The following MSANTD2 variants were observed in gnomAD, a reference collection of about 807,000 sequenced individuals.
The protein encoded by MSANTD2 is Myb/SANT DNA binding domain containing 2, also known as myb/SANT-like DNA-binding domain-containing protein 2.
MSANTD2 carries 19 observed loss-of-function variants against 52.6 expected under a neutral mutation model. The ratio of observed to expected loss-of-function variants is 0.36; its 90% CI spans 0.25 to 0.53. The LOEUF (loss-of-function observed/expected upper bound fraction) is 0.53, where lower values mean the gene tolerates loss of function less well. MSANTD2 is among the 20% of genes least tolerant of loss of function. MSANTD2 has a pLI of 0.91. For missense variants in MSANTD2, 558 were observed against 716.3 expected (o/e 0.78, Z 2.52); for synonymous variants, 291 against 289.7 (o/e 1.00, Z -0.04).
In MSANTD2 at chr11:124,766,954, G is replaced by A. The variant is rs563425441; in HGVS notation, c.*222C>T. On this transcript the variant is annotated 3_prime_UTR_variant, in exon 4 of 4. Coordinates refer to ENST00000374979, the MANE Select transcript of MSANTD2 (RefSeq NM_001308027.2). Reference sequence around the variant, plus strand: ...AAGAAATAGCTGACCCACCATGCAAGTTCGCTATATATCTTGCTTGCTCAA... The same window carrying A: ...AAGAAATAGCTGACCCACCATGCAAATTCGCTATATATCTTGCTTGCTCAA... 189 of 440,190 alleles carry A rather than the reference G, an allele frequency of 4.3e-4. No individual in the cohort carries two copies. In the Middle Eastern group the frequency reaches 4.9e-3, roughly 11 times the overall value. The allele number at this position is 440,190 out of a possible 1,614,324, so 27.3% of individuals were successfully genotyped here. A position where few individuals can be genotyped will look rare whatever the true frequency, so the allele number is the denominator to read the frequency against.
intron 1 of MSANTD2, chr11:124,783,770 T>A: frequency 1.0e-6 from 1 of 985,320 alleles, no homozygotes; most frequent in Non-Finnish European, 1.2e-6. Context: ...TTCAGATTAC[T>A]AAGAAAAAAA....
At chr11:124,799,695 G>A (rs1945622007) in intron 1 of MSANTD2, among the ~76,000 whole-genome samples, 176 bp downstream of exon 1, 1 of 152,210 alleles carries the variant, frequency 6.6e-6, no homozygotes, top group South Asian at 2.1e-4. Flanking sequence ...CGGGCTGGCG[G>A]CCATCTGGGA....
At chr11:124,768,711 G>A (rs1014861405) in intron 3 of MSANTD2, among the ~76,000 whole-genome samples, 3 of 152,130 alleles carry the variant, frequency 2.0e-5, no homozygotes, top group Non-Finnish European at 4.4e-5. Flanking sequence ...GATGGAAAAG[G>A]CTCACATTAG....
intron 1 of MSANTD2, among the ~76,000 whole-genome samples, chr11:124,795,725 C>G (rs1273983316): frequency 6.6e-6 from 1 of 151,940 alleles, no homozygotes; most frequent in Admixed American, 6.6e-5. Flanking sequence ...TTTATTCATC[C>G]TAACACCTAG....
chr11:124,799,812 C>G, intron 1 of MSANTD2, 59 bp downstream of exon 1: 2 of 1,371,446 alleles, frequency 1.5e-6, no homozygotes, highest in Non-Finnish European at 2.0e-6. Flanking sequence ...CCCCCGAGGC[C>G]CGCTTCCCCG....
chr11:124,772,605 C>T (rs914928170), intron 3 of MSANTD2, among the ~76,000 whole-genome samples: 4 of 151,930 alleles, frequency 2.6e-5, no homozygotes, highest in Non-Finnish European at 4.4e-5. Context: ...GGCGTGGTGG[C>T]GGGCGCCTGT....
chr11:124,771,491 C>T lies in MSANTD2; in HGVS notation c.827+1503G>A, dbSNP rs900179839. On this transcript the variant is annotated intron_variant, in intron 3 of 3. Coordinates refer to ENST00000374979, the MANE Select transcript of MSANTD2 (RefSeq NM_001308027.2). ...GCTGAATAAAAACAACTAATGTGGC[C>T]GGACACTGTGGCTCACGCCTGTAAT... Among the ~76,000 whole-genome samples, 16 of 152,276 alleles carry T rather than the reference C, an allele frequency of 1.1e-4. 1 individual carries two copies. The South Asian group carries it at 2.5e-3, about 24-fold the overall frequency.
intron 1 of MSANTD2, chr11:124,783,705 A>G: frequency 2.0e-6 from 2 of 983,168 alleles, no homozygotes; most frequent in Non-Finnish European, 2.4e-6. Context: ...GTCAATGAAT[A>G]TCAAGTTCTA....
At chr11:124,776,104 C>T (rs1373916940) in intron 1 of MSANTD2, 2 of 152,302 alleles carry the variant, frequency 1.3e-5, no homozygotes, top group East Asian at 3.9e-4. Flanking sequence ...GATCTCTTTT[C>T]CCTGGTGGCT....
intron 1 of MSANTD2, chr11:124,776,299 T>A (rs1036700937): frequency 1.3e-5 from 2 of 152,252 alleles, no homozygotes; most frequent in Non-Finnish European, 2.9e-5. Flanking sequence ...TTCAGTCTCT[T>A]TATTTATATA....
intron 3 of MSANTD2, among the ~76,000 whole-genome samples, chr11:124,772,447 T>C (rs965491602): frequency 6.6e-5 from 10 of 152,288 alleles, no homozygotes; most frequent in Non-Finnish European, 1.3e-4. Context: ...AAAGAACGTA[T>C]AGACATCTGG....
At chr11:124,780,342 C>A (rs138761424) in intron 1 of MSANTD2, among the ~76,000 whole-genome samples, 5 of 152,298 alleles carry the variant, frequency 3.3e-5, no homozygotes, top group African/African-American at 1.2e-4. Context: ...ATCTGACAAA[C>A]TGACTTGCCA....
At chr11:124,778,620 T>A (rs981417312) in intron 1 of MSANTD2, among the ~76,000 whole-genome samples, 2 of 152,170 alleles carry the variant, frequency 1.3e-5, no homozygotes, top group African/African-American at 4.8e-5. Flanking sequence ...GTATTTGATT[T>A]GGAAGCAATG....
chr11:124,800,205 C>G lies in MSANTD2; in HGVS notation c.176G>C (p.Gly59Ala). Reference sequence around the variant, plus strand: ...CCCGAGACCCCCGGACGCCGCTGCCCCCGAGCCCGCCGCACTGCCCGGCCC... The same window carrying G: ...CCCGAGACCCCCGGACGCCGCTGCCGCCGAGCCCGCCGCACTGCCCGGCCC... ...PLGPGSAAGSGAAASGGLGLG... is the reference protein window; with the variant it reads ...PLGPGSAAGSAAAASGGLGLG... The change falls in exon 1 of 4, where the codon GGG (glycine) becomes GCG (alanine). Residue 59 changes from glycine to alanine, a missense_variant. This residue lies in a region of MSANTD2 where 150 missense variants were observed against 142.7 expected (regional missense o/e 1.05). Coordinates refer to ENST00000374979, the MANE Select transcript of MSANTD2 (RefSeq NM_001308027.2). This position sits in a 1 kb window ranked among gnomAD's most constrained non-coding sequence, Gnocchi z 4.3. 3 of 1,480,386 alleles carry G rather than the reference C, an allele frequency of 2.0e-6. No homozygotes were observed. The highest frequency in any genetic ancestry group is 2.7e-6 in the Non-Finnish European group (3 of 1,117,010). The allele number at this position is 1,480,386 out of a possible 1,614,324, so 91.7% of individuals were successfully genotyped here. A position where few individuals can be genotyped will look rare whatever the true frequency, so the allele number is the denominator to read the frequency against.
Position 124,799,289 on chromosome 11 carries a change from T to C in MSANTD2, c.510+582A>G, listed in dbSNP as rs1945598927. Among the ~76,000 whole-genome samples the C allele has an allele frequency of 2.0e-5, 3 of 152,232 alleles. No individual in the cohort carries two copies. In the South Asian group the frequency reaches 6.2e-4, roughly 31 times the overall value. Reference sequence around the variant, plus strand: ...GTAACAATACACAATCTGGCTACAATCAAGCCTTTCCAATTCTCCAAAGCA... The same window carrying C: ...GTAACAATACACAATCTGGCTACAACCAAGCCTTTCCAATTCTCCAAAGCA... On this transcript the variant is annotated intron_variant, in intron 1 of 3. Transcript: ENST00000374979.
At chr11:124,789,141 T>C (rs373813985) in intron 1 of MSANTD2, 9 of 152,268 alleles carry the variant, frequency 5.9e-5, no homozygotes, top group Admixed American at 1.3e-4. Flanking sequence ...AAATATTAGG[T>C]TGAAGTGCTT....
chr11:124,767,343 C>T lies in MSANTD2; in HGVS notation c.1513G>A (p.Val505Ile), dbSNP rs200870886. The T allele has an allele frequency of 4.7e-5, 76 of 1,614,162 alleles. No individual in the cohort carries two copies. The highest frequency in any genetic ancestry group is 6.2e-5 in the Non-Finnish European group (73 of 1,180,014). ...ANTKTFSKDW[V>I]GINGFLSQNC... The stretch of plus-strand genomic sequence containing the variant: ...TGAGACAAAAACCCGTTAATACCAA[C>T]CCAATCTTTGCTGAAGGTTTTGGTA... Residue 505 changes from valine (V) to isoleucine (I), a missense_variant, in exon 4 of 4, where the codon GTT (valine) becomes ATT (isoleucine). Val to Ile is a conservative substitution (Grantham distance 29). Transcript: ENST00000374979. The surrounding 1 kb of genome is among the most constrained non-coding windows in gnomAD (Gnocchi z 6.5).
In MSANTD2 at chr11:124,800,141, G is replaced by A. The variant is rs760959866; in HGVS notation, c.240C>T (p.Val80=). The change falls in exon 1 of 4, where the codon GTC becomes GTT. Residue 80 remains valine (V), a synonymous_variant. Coordinates refer to ENST00000374979, the MANE Select transcript of MSANTD2 (RefSeq NM_001308027.2). The surrounding 1 kb of genome is among the most constrained non-coding windows in gnomAD (Gnocchi z 4.3). The stretch of plus-strand genomic sequence containing the variant: ...CACCGCCGCCACCAGGGGAGAAGGA[G>A]ACCGAGGACGAGGCGGCGCTGCGGC... ...LGGRSAASSS[V]SFSPGGGGGG... 2 of 1,477,904 alleles carry A rather than the reference G, an allele frequency of 1.4e-6. No homozygotes were observed. Among genetic ancestry groups the A allele is most frequent in the African/African-American group, 1.5e-5 (1 of 67,342 alleles). 91.5% of individuals were successfully genotyped at this position (1,477,904 alleles called of 1,614,324 possible).
chr11:124,778,086 T>A (rs1311444049), intron 1 of MSANTD2, among the ~76,000 whole-genome samples: 2 of 152,188 alleles, frequency 1.3e-5, no homozygotes, highest in African/African-American at 4.8e-5. Context: ...AAGCATGGAA[T>A]TAAGACTGTG....
Sources: gnomAD v4.1 joint callset for allele counts (sites outside exome capture counted in the v4.1 genomes callset) on GRCh38, gnomAD v4.1.1 for gene constraint, gnomAD v4.1.1 regional missense constraint, Gnocchi (gnomAD v3.1) non-coding constraint, MANE v1.5 for transcripts, NCBI Gene and HGNC (gene_info 2026-07-23, HGNC 2026-07-21) for gene names.